ROBO2: variants seen among roughly 807,000 people sequenced by gnomAD.
The protein encoded by ROBO2 is roundabout guidance receptor 2, also known as roundabout homolog 2.
A neutral mutation model predicts 160.8 loss-of-function variants in ROBO2; 53 were observed. The observed-to-expected ratio is 0.33, with a 90% CI of 0.26 to 0.41. The LOEUF (loss-of-function observed/expected upper bound fraction) is 0.41. Ranked by LOEUF, ROBO2 falls within the 10% of genes least tolerant of loss-of-function variation. The pLI is 1.00. For missense variants in ROBO2, 1,577 were observed against 1,722.4 expected, an observed-to-expected ratio of 0.92 and a Z score of 1.49; for synonymous variants, 664 against 611.7, an observed-to-expected ratio of 1.09 and a Z score of -1.26.
intron 2 of ROBO2, among the ~76,000 whole-genome samples, chr3:76,903,797 T>G (rs1399141214): frequency 6.6e-6 from 1 of 152,182 alleles, no homozygotes; most frequent in African/African-American, 2.4e-5. Flanking sequence ...TTCTTTTCAT[T>G]TCTACCCTTG....
At chr3:77,218,484 T>G (rs2085281456) in intron 2 of ROBO2, among the ~76,000 whole-genome samples, 1 of 151,954 alleles carries the variant, frequency 6.6e-6, no homozygotes, top group African/African-American at 2.4e-5. Context: ...AGCAGTTCTC[T>G]GCCTCAGCCT....
At chr3:76,064,106 C>T in intron 2 of ROBO2, among the ~76,000 whole-genome samples, 1 of 152,160 alleles carries the variant, frequency 6.6e-6, no homozygotes. Flanking sequence ...TGGAAAAAGA[C>T]CTCCAAGTTT....
intron 2 of ROBO2, among the ~76,000 whole-genome samples, chr3:76,387,497 A>T (rs1299724030): frequency 6.6e-6 from 1 of 152,198 alleles, no homozygotes; most frequent in Non-Finnish European, 1.5e-5. Context: ...TCTGCTTCTG[A>T]ATCTCAATTA....
intron 2 of ROBO2, among the ~76,000 whole-genome samples, chr3:77,457,751 T>G (rs2081825766): frequency 6.6e-6 from 1 of 152,120 alleles, no homozygotes; most frequent in Non-Finnish European, 1.5e-5. Context: ...TGAATTTAAG[T>G]GTTTAAACCA....
chr3:77,048,980 A>G (rs1027442360), intron 1 of ROBO2, among the ~76,000 whole-genome samples: 1 of 152,126 alleles, frequency 6.6e-6, no homozygotes. Context: ...TATCCCAAGT[A>G]CTTCTGTTTA....
chr3:75,954,546 A>ACGTTATGT (rs1383322175), intron 2 of ROBO2, among the ~76,000 whole-genome samples: 9 of 152,014 alleles, frequency 5.9e-5, no homozygotes, highest in Admixed American at 3.9e-4. Flanking sequence ...ACCTCTGTTA[A>ACGTTATGT]CGTTATGTCC....
At chr3:76,078,291 G>C (rs1459879711) in intron 2 of ROBO2, among the ~76,000 whole-genome samples, 2 of 152,170 alleles carry the variant, frequency 1.3e-5, no homozygotes, top group Non-Finnish European at 2.9e-5. Context: ...TATTTGGAGA[G>C]TCTGAATCTG....
At chr3:77,504,245 A>G (rs1242454278) in intron 5 of ROBO2, among the ~76,000 whole-genome samples, 4 of 152,212 alleles carry the variant, frequency 2.6e-5, no homozygotes, top group African/African-American at 9.6e-5. Context: ...AAGGTATTGT[A>G]ATACCATTCA....
chr3:76,103,614 A>G (rs2108187024), intron 2 of ROBO2, among the ~76,000 whole-genome samples: 1 of 152,304 alleles, frequency 6.6e-6, no homozygotes, highest in East Asian at 1.9e-4. Context: ...TACATACTGG[A>G]CCACAGACAC....
At chr3:76,059,975 T>C (rs967001874) in intron 2 of ROBO2, among the ~76,000 whole-genome samples, 2 of 152,202 alleles carry the variant, frequency 1.3e-5, no homozygotes, top group East Asian at 3.9e-4. Flanking sequence ...TGTGATGTTA[T>C]TTGTGAGGGC....
At chr3:76,163,328 T>G (rs1220339720) in intron 2 of ROBO2, among the ~76,000 whole-genome samples, 1 of 151,752 alleles carries the variant, frequency 6.6e-6, no homozygotes, top group African/African-American at 2.4e-5. Flanking sequence ...TTTAACTTAT[T>G]TATATAATGG....
intron 2 of ROBO2, among the ~76,000 whole-genome samples, chr3:76,080,278 C>T (rs1017817929): frequency 1.3e-5 from 2 of 152,178 alleles, no homozygotes; most frequent in Non-Finnish European, 2.9e-5. Flanking sequence ...GGCTTCAGCG[C>T]TTACTATTCC....
intron 2 of ROBO2, among the ~76,000 whole-genome samples, chr3:76,253,877 C>T (rs1706194122): frequency 6.6e-6 from 1 of 151,636 alleles, no homozygotes; most frequent in Non-Finnish European, 1.5e-5. Flanking sequence ...ACATGCTTCA[C>T]TCTCAGGAGA....
chr3:77,361,543 C>T (rs1015253709), intron 2 of ROBO2, among the ~76,000 whole-genome samples: 1 of 152,094 alleles, frequency 6.6e-6, no homozygotes, highest in Admixed American at 6.6e-5. Flanking sequence ...GGTGCTGGGA[C>T]CTCCAAGATC....
chr3:77,013,827 C>G (rs149367757), intron 2 of ROBO2, among the ~76,000 whole-genome samples: 5 of 152,336 alleles, frequency 3.3e-5, no homozygotes, highest in Non-Finnish European at 2.9e-5. Context: ...CAGTTCCTAT[C>G]AGTTAACGTG....
chr3:77,211,886 G>C (rs2084222496), intron 2 of ROBO2, among the ~76,000 whole-genome samples: 1 of 152,146 alleles, frequency 6.6e-6, no homozygotes, highest in African/African-American at 2.4e-5. Flanking sequence ...GATAGTTGTA[G>C]ATATGTGGCA....
intron 2 of ROBO2, among the ~76,000 whole-genome samples, chr3:76,665,019 G>A (rs954957354): frequency 2.0e-5 from 3 of 152,136 alleles, no homozygotes; most frequent in African/African-American, 4.8e-5. Flanking sequence ...TTGTGGTTGA[G>A]TTTGTCACAG....
chr3:76,637,963 T>G (rs1329210002), intron 2 of ROBO2, among the ~76,000 whole-genome samples: 4 of 152,298 alleles, frequency 2.6e-5, no homozygotes, highest in South Asian at 4.1e-4. Context: ...AAAATTTAAT[T>G]CAGATGAATA....
chr3:76,664,886 T>C lies in ROBO2; in HGVS notation c.110-433128T>C, dbSNP rs945182574. On this transcript the variant is annotated intron_variant, in intron 2 of 26. Coordinates refer to the ROBO2 transcript ENST00000487694. ...ACAATTGAAGAAGCCAGAGCTGATA[T>C]TGGAGTGAGATGGAGTCAGTCAAGG... Among the ~76,000 whole-genome samples, 9 of 152,142 alleles carry C rather than the reference T, an allele frequency of 5.9e-5. No homozygotes were observed. The East Asian group carries it at 9.6e-4, about 16-fold the overall frequency.
Sources: gnomAD v4.1 joint callset for allele counts (sites outside exome capture counted in the v4.1 genomes callset) on GRCh38, gnomAD v4.1.1 for gene constraint, MANE v1.5 for transcripts, NCBI Gene and HGNC (gene_info 2026-07-23, HGNC 2026-07-21) for gene names.